MACF1: variants seen among roughly 807,000 people sequenced by gnomAD.
MACF1 encodes microtubule-actin cross-linking factor 1.
A neutral mutation model predicts 854.8 loss-of-function variants in MACF1; 193 were observed. That is an observed-to-expected ratio of 0.23 (90% CI 0.20 to 0.25). The LOEUF is 0.25. Ranked by LOEUF, MACF1 falls within the 10% of genes least tolerant of loss-of-function variation. The pLI is 1.00. For missense variants in MACF1, 7,722 were observed against 8,929.1 expected (o/e 0.86, Z 5.45); for synonymous variants, 3,185 against 3,226.7 (o/e 0.99, Z 0.44).
At chr1:39,353,481 G>T (rs925038578) in intron 44 of MACF1, among the ~76,000 whole-genome samples, 12 of 152,006 alleles carry the variant, frequency 7.9e-5, no homozygotes, top group Admixed American at 5.2e-4. Context: ...ATGTTTCCAG[G>T]TGTATCCTAG....
chr1:39,090,811 C>G (rs1261527376), intron 2 of MACF1, among the ~76,000 whole-genome samples: 2 of 152,140 alleles, frequency 1.3e-5, no homozygotes, highest in East Asian at 3.9e-4. Context: ...TAGGGCTGCA[C>G]TTGTTCTTTA....
chr1:39,375,495 G>T (rs1344707990), intron 52 of MACF1, among the ~76,000 whole-genome samples: 1 of 152,098 alleles, frequency 6.6e-6, no homozygotes, highest in Non-Finnish European at 1.5e-5. Context: ...TAGAGACAGG[G>T]TTTCACTGTG....
chr1:39,464,088 A>G (rs1022790044), intron 94 of MACF1: 4 of 191,396 alleles, frequency 2.1e-5, no homozygotes, highest in African/African-American at 9.2e-5. Flanking sequence ...CCCAACAGAC[A>G]CTGTGCCTGC....
At chr1:39,291,314 C>T (rs866674619) in intron 15 of MACF1, among the ~76,000 whole-genome samples, 3 of 152,188 alleles carry the variant, frequency 2.0e-5, no homozygotes, top group Admixed American at 6.5e-5. Context: ...TACTGTATTC[C>T]GCAGTTCCAA....
At chr1:39,270,348 G>A (rs1645292850) in intron 6 of MACF1, among the ~76,000 whole-genome samples, 1 of 152,116 alleles carries the variant, frequency 6.6e-6, no homozygotes, top group Non-Finnish European at 1.5e-5. Flanking sequence ...AGAGAGAGAG[G>A]GAGGTTAGGG....
At chr1:39,273,131 ATTTTTTT>A (rs561821846) in intron 6 of MACF1, among the ~76,000 whole-genome samples, 7,602 of 120,514 alleles carry the variant, frequency 0.063, 237 homozygotes, top group African/African-American at 0.11. Context: ...CTCTATACCA[ATTTTTTT>A]TTTTTTTTTT....
intron 99 of MACF1, 92 bp downstream of exon 99, chr1:39,481,122 C>A: frequency 1.3e-6 from 1 of 742,274 alleles, no homozygotes. Context: ...CGAATCCCTG[C>A]ACTCTTTCAT....
chr1:39,115,148 CA>C (rs1408506351), intron 2 of MACF1, among the ~76,000 whole-genome samples: 3 of 152,078 alleles, frequency 2.0e-5, no homozygotes, highest in African/African-American at 7.2e-5. Flanking sequence ...TAAAAGTAGG[CA>C]AGGAAGACTA....
chr1:39,311,620 T>G (rs181608584), intron 26 of MACF1, among the ~76,000 whole-genome samples: 6 of 152,232 alleles, frequency 3.9e-5, no homozygotes, highest in Non-Finnish European at 7.4e-5. Flanking sequence ...TTAAGTCCTC[T>G]GAGGCATACA....
intron 24 of MACF1, 23 bp downstream of exon 24, chr1:39,309,719 A>C (rs762406268): frequency 1.3e-6 from 2 of 1,598,018 alleles, no homozygotes; most frequent in Admixed American, 3.6e-5. Context: ...ACCTTACCCC[A>C]GGCTTACATT....
intron 6 of MACF1, chr1:39,268,755 A>G: frequency 7.8e-7 from 1 of 1,289,452 alleles, no homozygotes; most frequent in Non-Finnish European, 1.0e-6. Context: ...TATTCCTGAG[A>G]AGGCTCCCAT....
intron 89 of MACF1, 98 bp from the exon 90 acceptor site, chr1:39,458,272 A>G (rs1644482517): frequency 2.5e-6 from 3 of 1,213,420 alleles, no homozygotes; most frequent in Non-Finnish European, 2.3e-6. Context: ...CTTTCCTGCC[A>G]CCACAGGCCG....
chr1:39,100,097 T>A (rs1019487282), intron 2 of MACF1, among the ~76,000 whole-genome samples: 92 of 152,262 alleles, frequency 6.0e-4, no homozygotes, highest in Middle Eastern at 3.4e-3. Flanking sequence ...CTGCCTGTAG[T>A]CCTAGCTGCT....
chr1:39,347,641 T>C (rs1557601888), intron 41 of MACF1, among the ~76,000 whole-genome samples: 2 of 152,214 alleles, frequency 1.3e-5, no homozygotes, highest in Non-Finnish European at 2.9e-5. Flanking sequence ...TTTCATTCTA[T>C]TTAATCTATT....
chr1:39,356,715 AC>A (rs1424129955), intron 44 of MACF1, among the ~76,000 whole-genome samples: 6 of 152,176 alleles, frequency 3.9e-5, no homozygotes, highest in Non-Finnish European at 8.8e-5. Context: ...TTATTCAGCT[AC>A]CCTTCCACTA....
chr1:39,222,162 TC>T lies in MACF1; in HGVS notation c.110-9019del, dbSNP rs369744783. On this transcript the variant is annotated intron_variant, in intron 1 of 100. Transcript: ENST00000564288. The stretch of plus-strand genomic sequence containing the variant: ...TTCTTTTTGAGACAGGGTCTTGCTG[TC>T]ACCCAGGCTGGAGGGCAGTGACACA... Among the ~76,000 whole-genome samples, 8 of 152,290 alleles carry T rather than the reference TC, an allele frequency of 5.3e-5. No individual in the cohort carries two copies. In the South Asian group the frequency reaches 1.0e-3, roughly 20 times the overall value.
chr1:39,182,478 C>G (rs944527079), intron 2 of MACF1, among the ~76,000 whole-genome samples: 4 of 151,642 alleles, frequency 2.6e-5, no homozygotes, highest in Non-Finnish European at 5.9e-5. Context: ...GACTTATATC[C>G]AAAATATATA....
intron 2 of MACF1, among the ~76,000 whole-genome samples, chr1:39,181,578 T>G (rs1200124600): frequency 1.6e-4 from 24 of 151,988 alleles, no homozygotes; most frequent in Admixed American, 1.4e-3. Flanking sequence ...CATGTGAAAA[T>G]GCAAGGGACC....
intron 43 of MACF1, 24 bp from the exon 44 acceptor site, chr1:39,352,983 C>T (rs1381431766): frequency 1.3e-6 from 2 of 1,579,946 alleles, no homozygotes; most frequent in Non-Finnish European, 1.7e-6. Flanking sequence ...AGCCTTCTCA[C>T]TAGACTACCT....
Sources: gnomAD v4.1 joint callset for allele counts (sites outside exome capture counted in the v4.1 genomes callset) on GRCh38, gnomAD v4.1.1 for gene constraint, MANE v1.5 for transcripts, NCBI Gene and HGNC (gene_info 2026-07-23, HGNC 2026-07-21) for gene names.